Variants in ADGRG2 observed in about 807,000 individuals in gnomAD.
ADGRG2 encodes the protein adhesion G protein-coupled receptor G2, also known as G protein-coupled receptor 64.
Under a neutral mutation model 74.1 loss-of-function variants are expected in ADGRG2, and 26 were observed. The ratio of observed to expected loss-of-function variants is 0.35; its 90% CI spans 0.26 to 0.49. ADGRG2 has a LOEUF of 0.49. Ranked by LOEUF, ADGRG2 falls within the 20% of genes least tolerant of loss-of-function variation. The pLI is 0.99. For missense variants in ADGRG2, 619 were observed against 763.1 expected (o/e 0.81, Z 2.22); for synonymous variants, 296 against 295.2 (o/e 1.00, Z -0.03).
intron 18 of ADGRG2, 43 bp downstream of exon 18, chrX:19,009,581 TCA>T (rs1222391145): frequency 8.1e-6 from 9 of 1,104,612 alleles, no homozygotes; most frequent in East Asian, 6.0e-5. Flanking sequence ...GGGACTACAA[TCA>T]CACACAAGAG....
intron 1 of ADGRG2, among the ~76,000 whole-genome samples, chrX:19,096,714 A>C (rs2062103600): frequency 1.8e-5 from 2 of 112,030 alleles, no homozygotes; most frequent in African/African-American, 3.2e-5. Context: ...GATAACAGCC[A>C]GTGTTTAATT....
intron 8 of ADGRG2, chrX:19,033,274 TC>T (rs2146703588): frequency 7.1e-6 from 1 of 141,463 alleles, no homozygotes; most frequent in Admixed American, 9.0e-5. Flanking sequence ...ATTAATTGCA[TC>T]CCCCTCTACT....
At chrX:19,075,653 A>G (rs1423291481) in intron 2 of ADGRG2, among the ~76,000 whole-genome samples, 2 of 109,227 alleles carry the variant, frequency 1.8e-5, no homozygotes, top group Non-Finnish European at 3.8e-5. Context: ...AGAAAGAAAG[A>G]AAAAGGCTGT....
intron 6 of ADGRG2, among the ~76,000 whole-genome samples, chrX:19,037,254 G>C (rs2060960796): frequency 8.9e-6 from 1 of 111,958 alleles, no homozygotes; most frequent in Non-Finnish European, 1.9e-5. Flanking sequence ...TAGAGTGGTG[G>C]ACTGCTCTCT....
chrX:19,051,473 C>T (rs767642060), intron 3 of ADGRG2, among the ~76,000 whole-genome samples: 5 of 111,832 alleles, frequency 4.5e-5, no homozygotes, highest in Non-Finnish European at 7.5e-5. Context: ...ACTGCATTTT[C>T]CATGAATGGC....
intron 27 of ADGRG2, 64 bp from the exon 28 acceptor site, chrX:18,995,112 G>T (rs2059994349): frequency 1.2e-6 from 1 of 855,123 alleles, no homozygotes; most frequent in Non-Finnish European, 1.7e-6. Flanking sequence ...GCAAGAGACA[G>T]ATCACAGTGT....
chrX:19,063,690 A>G (rs4825282), intron 3 of ADGRG2, among the ~76,000 whole-genome samples: 36,349 of 110,940 alleles, frequency 0.33, 4,893 homozygotes, highest in African/African-American at 0.5. Context: ...AAGGACTCAC[A>G]GTACAAAGGA....
chrX:19,056,451 C>A (rs141568362), intron 3 of ADGRG2, among the ~76,000 whole-genome samples: 1 of 111,347 alleles, frequency 9.0e-6, no homozygotes, highest in Non-Finnish European at 1.9e-5. Context: ...TTGCTCCTAG[C>A]GAATGTTCAT....
At chrX:19,089,602 A>C in intron 1 of ADGRG2, among the ~76,000 whole-genome samples, 1 of 111,728 alleles carries the variant, frequency 9.0e-6, no homozygotes, top group Non-Finnish European at 1.9e-5. Flanking sequence ...TACAACCAAA[A>C]GTGTGAAAAG....
chrX:19,051,458 G>A (rs940853633), intron 3 of ADGRG2, among the ~76,000 whole-genome samples: 4 of 111,689 alleles, frequency 3.6e-5, no homozygotes, highest in Non-Finnish European at 7.5e-5. Context: ...AACTCCTGGT[G>A]GCAGACTGCA....
chrX:19,020,612 GTAAAA>G (rs1317317946), intron 14 of ADGRG2, among the ~76,000 whole-genome samples: 7 of 111,038 alleles, frequency 6.3e-5, no homozygotes, highest in African/African-American at 2.3e-4. Context: ...AGAACTTAAA[GTAAAA>G]TAAAATAAAA....
intron 1 of ADGRG2, among the ~76,000 whole-genome samples, chrX:19,101,101 T>TTGTGTGTG (rs10579733): frequency 7.9e-4 from 71 of 89,839 alleles, no homozygotes; most frequent in African/African-American, 1.9e-3. Context: ...AATCATGAGA[T>TTGTGTGTG]TGTGTGTGTG....
rs142040122 is a variant in ADGRG2 at position 19,114,637 on chromosome X, G to A, written c.-47+7805C>T. On this transcript the variant is annotated intron_variant, in intron 1 of 28. Transcript: ENST00000379869. ...CATCCTCGACCTCTCCCCACTAGGCGCCAGTAGCACCTCCAAACCCTGCCA... is the reference window on the plus strand; with the variant it reads ...CATCCTCGACCTCTCCCCACTAGGCACCAGTAGCACCTCCAAACCCTGCCA... Among the ~76,000 whole-genome samples, 584 of 110,988 alleles carry A rather than the reference G, an allele frequency of 5.3e-3. 7 individuals are homozygous for A. Among genetic ancestry groups the A allele is most frequent in the African/African-American group, 0.018 (547 of 30,526 alleles).
In ADGRG2 at chrX:19,018,402, C is replaced by T. The variant is rs746896929; in HGVS notation, c.710+1197G>A. Among the ~76,000 whole-genome samples, 29 of 111,301 alleles carry T rather than the reference C, an allele frequency of 2.6e-4. 1 individual carries two copies. Among genetic ancestry groups the T allele is most frequent in the Middle Eastern group, 4.6e-3 (1 of 218 alleles). ...CCTTCCAAAGTGCTGAGATTACAGG[C>T]GTGAGCTACCTTGCCTGGTCCAGAA... On this transcript the variant is annotated intron_variant, in intron 15 of 28. Coordinates refer to ENST00000379869, the MANE Select transcript of ADGRG2 (RefSeq NM_001079858.3).
At chrX:19,048,561 A>T (rs2061243150) in intron 3 of ADGRG2, among the ~76,000 whole-genome samples, 1 of 111,713 alleles carries the variant, frequency 9.0e-6, no homozygotes, top group African/African-American at 3.3e-5. Flanking sequence ...AGGAAGGGCC[A>T]CTGACCTACT....
intron 3 of ADGRG2, among the ~76,000 whole-genome samples, chrX:19,041,252 C>T (rs1347071723): frequency 9.0e-6 from 1 of 111,649 alleles, no homozygotes; most frequent in Non-Finnish European, 1.9e-5. Context: ...TTCATGATTA[C>T]AAACAATGCT....
upstream of ADGRG2, chrX:19,122,661 C>T (rs2062631343): frequency 9.2e-6 from 1 of 109,081 alleles, no homozygotes; most frequent in Non-Finnish European, 1.9e-5. Flanking sequence ...GGGCGGGGCG[C>T]GGAGGGAGGA....
At chrX:19,008,713 A>G in intron 18 of ADGRG2, among the ~76,000 whole-genome samples, 1 of 111,578 alleles carries the variant, frequency 9.0e-6, no homozygotes, top group Middle Eastern at 4.6e-3. Context: ...GAGGCCTCCA[A>G]GAAGGAAAGG....
At chrX:19,058,088 C>CA (rs1310930210) in intron 3 of ADGRG2, among the ~76,000 whole-genome samples, 1 of 111,323 alleles carries the variant, frequency 9.0e-6, no homozygotes, top group African/African-American at 3.3e-5. Flanking sequence ...CAAAATAGTC[C>CA]AACCCCTTCA....
Sources: gnomAD v4.1 joint callset for allele counts (sites outside exome capture counted in the v4.1 genomes callset) on GRCh38, gnomAD v4.1.1 for gene constraint, MANE v1.5 for transcripts, NCBI Gene and HGNC (gene_info 2026-07-23, HGNC 2026-07-21) for gene names.